The following USP50 variants were observed in gnomAD, a reference collection of about 807,000 sequenced individuals.
The protein encoded by USP50 is ubiquitin specific peptidase 50, also known as ubiquitin carboxyl-terminal hydrolase 50.
A neutral mutation model predicts 39.2 loss-of-function variants in USP50; 37 were observed. The observed-to-expected ratio is 0.94, with a 90% CI of 0.73 to 1.24. The LOEUF (loss-of-function observed/expected upper bound fraction) is 1.24, where lower values mean the gene tolerates loss of function less well. USP50 is among the 50% of genes most tolerant of loss of function. USP50 has a pLI of 0.00. For synonymous variants in USP50, 139 were observed against 144.5 expected, an observed-to-expected ratio of 0.96 and a Z score of 0.27; for missense variants, 374 against 398.2, an observed-to-expected ratio of 0.94 and a Z score of 0.52.
chr15:50,542,145 A>G (rs1200491669), intron 3 of USP50, among the ~76,000 whole-genome samples: 1 of 152,074 alleles, frequency 6.6e-6, no homozygotes. Flanking sequence ...CATACTCAGC[A>G]ACAGCATTTC....
downstream of USP50, chr15:50,493,740 C>CCTAT (rs964621233): frequency 3.3e-5 from 13 of 397,370 alleles, 1 homozygote; most frequent in South Asian, 1.4e-4. Context: ...AGAATGAGAC[C>CCTAT]CTATCTCAAA....
intron 5 of USP50, chr15:50,532,173 C>A (rs1246411415): frequency 4.4e-6 from 2 of 456,242 alleles, no homozygotes. Flanking sequence ...ATTTTCCTTC[C>A]AGGAGCCCAA....
chr15:50,506,506 C>CA, intron 6 of USP50: 1 of 152,178 alleles, frequency 6.6e-6, no homozygotes, highest in South Asian at 2.1e-4. Flanking sequence ...TTGTCTTCCA[C>CA]AAAAATCAGT....
intron 3 of USP50, among the ~76,000 whole-genome samples, 196 bp from the exon 4 acceptor site, chr15:50,541,460 C>T (rs1315389744): frequency 1.3e-5 from 2 of 152,078 alleles, no homozygotes; most frequent in East Asian, 3.9e-4. Flanking sequence ...CTGCAGTGAG[C>T]CGTGTTAGCA....
intron 6 of USP50, chr15:50,503,689 G>C (rs2052620669): frequency 6.6e-6 from 1 of 152,204 alleles, no homozygotes; most frequent in Admixed American, 6.5e-5. Flanking sequence ...TACCTGTGTG[G>C]TCTGCGAATC....
chr15:50,543,889 G>T, intron 2 of USP50, 96 bp from the exon 3 acceptor site: 1 of 1,250,486 alleles, frequency 8.0e-7, no homozygotes, highest in Non-Finnish European at 1.1e-6. Context: ...ATGGAAGAAC[G>T]TGGTGTCTCA....
chr15:50,519,717 A>T (rs117899521), intron 6 of USP50, among the ~76,000 whole-genome samples: 7,032 of 124,540 alleles, frequency 0.056, 207 homozygotes, highest in Middle Eastern at 0.12. Context: ...TCCGTCTCTT[A>T]AAAAAAAAAA....
chr15:50,501,499 A>G (rs2052587555), intron 6 of USP50: 1 of 150,774 alleles, frequency 6.6e-6, no homozygotes, highest in African/African-American at 2.5e-5. Flanking sequence ...TTTACGTAAG[A>G]TGGCTTCTTT....
intron 5 of USP50, among the ~76,000 whole-genome samples, chr15:50,537,910 GAA>G (rs2052993834): frequency 7.4e-5 from 3 of 40,440 alleles, no homozygotes; most frequent in Non-Finnish European, 1.2e-4. Context: ...GAAGGGGAGG[GAA>G]GGGAAGGGAA....
chr15:50,497,039 T>A, downstream of USP50: 1 of 1,559,312 alleles, frequency 6.4e-7, no homozygotes. Flanking sequence ...TCTCTGACAT[T>A]ATTGAAGAAT....
At chr15:50,510,727 T>C (rs1376632726) in intron 6 of USP50, 2 of 152,120 alleles carry the variant, frequency 1.3e-5, no homozygotes, top group Non-Finnish European at 2.9e-5. Context: ...TGCTAAATGT[T>C]AATAACTGAA....
chr15:50,499,380 ATTG>A (rs756328023), downstream of USP50: 108 of 218,112 alleles, frequency 5.0e-4, 1 homozygote, highest in African/African-American at 2.5e-3. Context: ...TCTAAAAACT[ATTG>A]TTATCTTTTT....
intron 6 of USP50, 132 bp downstream of exon 6, chr15:50,529,663 GGA>G: frequency 4.3e-6 from 4 of 930,454 alleles, no homozygotes; most frequent in Non-Finnish European, 4.7e-6. Context: ...AGGTCAAAGT[GGA>G]GAGTTTCCTG....
intron 1 of USP50, among the ~76,000 whole-genome samples, chr15:50,495,174 C>T (rs2052328219): frequency 6.6e-6 from 1 of 151,630 alleles, no homozygotes; most frequent in African/African-American, 2.4e-5. Context: ...GGTCACCATT[C>T]TTAACCACTG....
intron 1 of USP50, among the ~76,000 whole-genome samples, chr15:50,546,026 T>C (rs1285230008): frequency 6.6e-6 from 1 of 151,518 alleles, no homozygotes. Flanking sequence ...GAGAGAACAC[T>C]GAGGGTTCCA....
Position 50,544,733 on chromosome 15 carries a change from A to G in USP50, c.102T>C (p.Asp34=), listed in dbSNP as rs1596022624. The G allele has an allele frequency of 1.9e-6, 3 of 1,614,046 alleles. 1 individual carries two copies. The South Asian group carries it at 3.3e-5, about 18-fold the overall frequency. ...CACCCTGAAAATGGGGCTGGTTCCC[A>G]TCAGCCTCCTTAACTGGAAGGGTAT... The part of the protein sequence containing the change: ...YYDTLPVKEA[D]GNQPHFQGVT... The change falls in exon 2 of 7, where the codon GAT becomes GAC. Residue 34 remains aspartate (D), a synonymous_variant. Coordinates refer to ENST00000532404, the MANE Select transcript of USP50 (RefSeq NM_203494.5).
At chr15:50,532,731 G>A (rs946026806) in intron 5 of USP50, among the ~76,000 whole-genome samples, 9 of 152,154 alleles carry the variant, frequency 5.9e-5, no homozygotes, top group African/African-American at 2.2e-4. Flanking sequence ...GGGTTCTAAC[G>A]AATAAAGTAG....
At chr15:50,511,992 T>A (rs1271939976) in intron 6 of USP50, 2 of 151,866 alleles carry the variant, frequency 1.3e-5, no homozygotes, top group African/African-American at 4.8e-5. Context: ...TGAGATATTG[T>A]CTCAAAAAAT....
chr15:50,496,640 A>AAAG (rs1403357405), downstream of USP50, among the ~76,000 whole-genome samples: 2 of 152,140 alleles, frequency 1.3e-5, no homozygotes, highest in Admixed American at 6.5e-5. Flanking sequence ...ATGTTTTTAA[A>AAAG]AAGTTTTATA....
Sources: gnomAD v4.1 joint callset for allele counts (sites outside exome capture counted in the v4.1 genomes callset) on GRCh38, gnomAD v4.1.1 for gene constraint, MANE v1.5 for transcripts, NCBI Gene and HGNC (gene_info 2026-07-23, HGNC 2026-07-21) for gene names.